The following ARAP2 variants were observed in gnomAD, a reference collection of about 807,000 sequenced individuals.
The protein encoded by ARAP2 is ArfGAP with RhoGAP domain, ankyrin repeat and PH domain 2, also known as arf-GAP with Rho-GAP domain, ANK repeat and PH domain-containing protein 2.
ARAP2 carries 148 observed loss-of-function variants against 194.5 expected under a neutral mutation model. The observed-to-expected ratio is 0.76, with a 90% CI of 0.67 to 0.87. The LOEUF (loss-of-function observed/expected upper bound fraction) is 0.87. Ranked by LOEUF, ARAP2 falls within the 40% of genes least tolerant of loss-of-function variation. The pLI is 0.00. For synonymous variants in ARAP2, 695 were observed against 683.5 expected (o/e 1.02, Z -0.26); for missense variants, 2,128 against 1,989.7 (o/e 1.07, Z -1.32).
chr4:36,079,825 G>A (rs1210934593), intron 31 of ARAP2, among the ~76,000 whole-genome samples: 1 of 152,116 alleles, frequency 6.6e-6, no homozygotes, highest in Admixed American at 6.6e-5. Context: ...TTTCTGGAAA[G>A]GCAGGGGTGG....
At chr4:36,147,183 A>G in intron 19 of ARAP2, 113 bp downstream of exon 19, 1 of 906,810 alleles carries the variant, frequency 1.1e-6, no homozygotes, top group Non-Finnish European at 1.7e-6. Context: ...TATGATTCAG[A>G]AAATTTCAAC....
chr4:36,057,565 A>G (rs567040119), intron 2 of ARAP2, among the ~76,000 whole-genome samples: 51 of 151,474 alleles, frequency 3.4e-4, no homozygotes, highest in African/African-American at 1.1e-3. Context: ...TTCATTTTGG[A>G]TATATTTGAT....
intron 2 of ARAP2, among the ~76,000 whole-genome samples, chr4:36,221,960 C>A (rs1347682090): frequency 6.6e-6 from 1 of 152,074 alleles, no homozygotes; most frequent in Non-Finnish European, 1.5e-5. Flanking sequence ...CAGCGCAAGT[C>A]CCACAGCTAA....
chr4:36,203,813 A>G (rs1047845109), intron 6 of ARAP2, among the ~76,000 whole-genome samples: 1 of 152,208 alleles, frequency 6.6e-6, no homozygotes, highest in African/African-American at 2.4e-5. Flanking sequence ...ACAGCTCAAG[A>G]TTAACATAAC....
At chr4:36,159,643 G>T in intron 13 of ARAP2, 138 bp from the exon 14 acceptor site, 1 of 773,768 alleles carries the variant, frequency 1.3e-6, no homozygotes, top group Non-Finnish European at 1.8e-6. Flanking sequence ...TAATAATTAT[G>T]CCATGAATTA....
At chr4:36,026,274 GA>G (rs1355256893) in intron 5 of ARAP2, among the ~76,000 whole-genome samples, 1 of 152,154 alleles carries the variant, frequency 6.6e-6, no homozygotes, top group Admixed American at 6.6e-5. Flanking sequence ...AGACACCTTA[GA>G]AATTGGCAGA....
rs1028367842 is a variant in ARAP2, at chr4:36,033,845, C to A, written n.607+12134G>T. Among the ~76,000 whole-genome samples, 7 of 152,050 alleles carry A rather than the reference C, an allele frequency of 4.6e-5. No homozygotes were observed. The East Asian group carries it at 7.7e-4, about 17-fold the overall frequency. On this transcript the variant is annotated intron_variant and non_coding_transcript_variant, in intron 5 of 12. Transcript: ENST00000503225. ...TTGTATACAGTGTAAGGAATGGGTC[C>A]AATTTCAATCTTCTGCATATGGCTA...
At chr4:36,185,364 T>G (rs1357022503) in intron 8 of ARAP2, among the ~76,000 whole-genome samples, 1 of 152,212 alleles carries the variant, frequency 6.6e-6, no homozygotes, top group African/African-American at 2.4e-5. Flanking sequence ...TTTATTATTT[T>G]CTGTTTGGGG....
intron 1 of ARAP2, among the ~76,000 whole-genome samples, chr4:36,231,727 C>T (rs1452362692): frequency 1.3e-5 from 2 of 152,114 alleles, no homozygotes; most frequent in Non-Finnish European, 2.9e-5. Flanking sequence ...ACCTCCTGAT[C>T]TGTCCCTACC....
intron 27 of ARAP2, among the ~76,000 whole-genome samples, chr4:36,099,974 T>C (rs900206467): frequency 6.6e-6 from 1 of 152,114 alleles, no homozygotes; most frequent in Non-Finnish European, 1.5e-5. Context: ...TGATGACTTA[T>C]AGATTTAGTT....
At chr4:36,095,548 G>T (rs887872218) in intron 27 of ARAP2, among the ~76,000 whole-genome samples, 4 of 152,132 alleles carry the variant, frequency 2.6e-5, no homozygotes, top group African/African-American at 9.7e-5. Context: ...GTAATTTGTT[G>T]TAGCTTATGA....
chr4:36,196,902 G>A (rs1743233789), intron 6 of ARAP2, among the ~76,000 whole-genome samples: 1 of 151,194 alleles, frequency 6.6e-6, no homozygotes, highest in Non-Finnish European at 1.5e-5. Context: ...TCCTAACATG[G>A]CTGGCTCCTT....
intron 11 of ARAP2, 107 bp downstream of exon 11, chr4:36,164,807 T>C: frequency 1.8e-6 from 2 of 1,097,810 alleles, no homozygotes; most frequent in East Asian, 2.4e-5. Flanking sequence ...CTTTCTCTGG[T>C]TTTACTTCTC....
At chr4:36,172,680 G>C (rs1736919703) in intron 9 of ARAP2, among the ~76,000 whole-genome samples, 1 of 152,186 alleles carries the variant, frequency 6.6e-6, no homozygotes, top group South Asian at 2.1e-4. Flanking sequence ...AAATAGGGAA[G>C]GGTTTGTTAA....
intron 5 of ARAP2, among the ~76,000 whole-genome samples, chr4:36,026,196 T>C (rs1717875859): frequency 6.6e-6 from 1 of 152,190 alleles, no homozygotes; most frequent in South Asian, 2.1e-4. Context: ...CTCAGACACT[T>C]TGACTCACAA....
Position 36,229,578 on chromosome 4 carries a change from A to G in ARAP2, c.-92T>C. ...GTACTTCTCTACTGGCTTTTCCTCT[A>G]TCAATTGTGACAGAAAAGTTTCTTA... On this transcript the variant is annotated 5_prime_UTR_variant, in exon 2 of 33. Transcript: ENST00000303965. 1 of 981,568 alleles carries G rather than the reference A, an allele frequency of 1.0e-6. No individual in the cohort carries two copies. The highest frequency in any genetic ancestry group is 1.5e-6 in the Non-Finnish European group (1 of 678,812). The allele number at this position is 981,568 out of a possible 1,614,324, so 60.8% of individuals were successfully genotyped here. A position where few individuals can be genotyped will look rare whatever the true frequency, so the allele number is the denominator to read the frequency against.
At chr4:36,234,563 C>CTGAATACAGA (rs1334062893) in intron 1 of ARAP2, among the ~76,000 whole-genome samples, 2 of 152,206 alleles carry the variant, frequency 1.3e-5, no homozygotes, top group Admixed American at 1.3e-4. Context: ...TGCCAAGACT[C>CTGAATACAGA]TGAATACAGA....
Position 36,085,073 on chromosome 4 carries a change from C to T in ARAP2, c.4426-1623G>A, listed in dbSNP as rs544713715. Among the ~76,000 whole-genome samples the T allele has an allele frequency of 1.1e-4, 17 of 152,092 alleles. No homozygotes were observed. In the South Asian group the frequency reaches 2.7e-3, roughly 24 times the overall value. ...TTGCTAGCCATCGGCAGTTTTGATG[C>T]GGTGAACAGTTTATCCATGTCTTTA... is the stretch of plus-strand genomic sequence containing the variant. On this transcript the variant is annotated intron_variant, in intron 28 of 32. Transcript: ENST00000303965.
In ARAP2 at chr4:36,234,246, G is replaced by A. The variant is rs534437723; in HGVS notation, c.-159-4601C>T. Among the ~76,000 whole-genome samples the A allele has an allele frequency of 4.6e-5, 7 of 152,306 alleles. 1 individual carries two copies. Among genetic ancestry groups the A allele is most frequent in the African/African-American group, 1.7e-4 (7 of 41,568 alleles). ...CATTGCTCAGAGTTCTGGAGGATGG[G>A]AAGTCCAAGGTCAAGGCGCCTGCAG... On this transcript the variant is annotated intron_variant, in intron 1 of 32. Coordinates refer to ENST00000303965, the MANE Select transcript of ARAP2 (RefSeq NM_015230.4).
Sources: allele counts gnomAD v4.1 joint callset (sites outside exome capture counted in the v4.1 genomes callset), GRCh38; gene constraint gnomAD v4.1.1; transcripts MANE v1.5; gene names NCBI Gene and HGNC (gene_info 2026-07-23, HGNC 2026-07-21).